GPC6: variants seen among roughly 807,000 people sequenced by gnomAD.
GPC6 encodes the protein glypican-6.
A neutral mutation model predicts 55.2 loss-of-function variants in GPC6; 14 were observed. The ratio of observed to expected loss-of-function variants is 0.25; its 90% CI spans 0.17 to 0.40. The LOEUF is 0.40. Among genes scored for constraint, GPC6 ranks in the 10% least tolerant of loss-of-function variants. GPC6 has a pLI of 1.00. For synonymous variants in GPC6, 278 were observed against 259.6 expected (o/e 1.07, Z -0.68); for missense variants, 641 against 708.5 (o/e 0.90, Z 1.08).
intron 3 of GPC6, among the ~76,000 whole-genome samples, chr13:93,880,933 A>G (rs1477902236): frequency 6.6e-6 from 1 of 151,928 alleles, no homozygotes; most frequent in Non-Finnish European, 1.5e-5. Flanking sequence ...CTTCAACCAT[A>G]AAAAGGAAAG....
intron 4 of GPC6, among the ~76,000 whole-genome samples, chr13:94,129,616 G>A: frequency 6.6e-6 from 1 of 152,132 alleles, no homozygotes; most frequent in Non-Finnish European, 1.5e-5. Context: ...ATAAGCCCTA[G>A]CAGAGCGAGT....
intron 1 of GPC6, among the ~76,000 whole-genome samples, chr13:93,448,385 A>G (rs1404139829): frequency 1.3e-5 from 2 of 152,214 alleles, no homozygotes; most frequent in African/African-American, 4.8e-5. Context: ...GGTTTATGTA[A>G]GTACACTCTA....
rs189646928 is a variant in GPC6, at chr13:93,604,511, A to G, written c.319+59090A>G. 4.9e-3 allele frequency among the ~76,000 whole-genome samples: 740 copies of G among 152,292 alleles called. 10 individuals are homozygous for G. Among genetic ancestry groups the G allele is most frequent in the African/African-American group, 0.017 (697 of 41,562 alleles). On this transcript the variant is annotated intron_variant, in intron 2 of 8. Coordinates refer to ENST00000377047, the MANE Select transcript of GPC6 (RefSeq NM_005708.5). ...ACACTTCTCCTTTATTGTCCAAATC[A>G]TAACATTTGGAGGTTGATGATCTTC...
At chr13:93,780,334 A>G (rs941924994) in intron 2 of GPC6, among the ~76,000 whole-genome samples, 3 of 152,106 alleles carry the variant, frequency 2.0e-5, no homozygotes, top group Non-Finnish European at 2.9e-5. Flanking sequence ...CATATAGTCA[A>G]TTATGTCCCA....
At chr13:94,219,338 G>A (rs935562417) in intron 4 of GPC6, among the ~76,000 whole-genome samples, 3 of 152,116 alleles carry the variant, frequency 2.0e-5, no homozygotes, top group African/African-American at 7.2e-5. Context: ...CACTTTTTAG[G>A]TACTCAGTGC....
intron 3 of GPC6, among the ~76,000 whole-genome samples, chr13:93,983,917 T>C (rs1338259510): frequency 6.6e-6 from 1 of 151,990 alleles, no homozygotes; most frequent in East Asian, 1.9e-4. Flanking sequence ...ACAAATAAAA[T>C]TTTTTCCTGA....
chr13:94,355,933 C>T (rs374305071), intron 6 of GPC6, among the ~76,000 whole-genome samples: 269 of 152,252 alleles, frequency 1.8e-3, no homozygotes, highest in African/African-American at 6.2e-3. Context: ...GCTCTCCCTC[C>T]CCCTGCCCCC....
chr13:94,137,728 C>T (rs1887235657), intron 4 of GPC6, among the ~76,000 whole-genome samples: 1 of 152,130 alleles, frequency 6.6e-6, no homozygotes, highest in South Asian at 2.1e-4. Flanking sequence ...ACTTCCTTAA[C>T]TTAGAAATGG....
At chr13:93,563,138 T>C (rs1426997805) in intron 2 of GPC6, among the ~76,000 whole-genome samples, 2 of 152,200 alleles carry the variant, frequency 1.3e-5, no homozygotes, top group African/African-American at 4.8e-5. Context: ...TGATAAATGT[T>C]ATTTTGTGAA....
At chr13:94,046,933 C>T (rs777988882) in intron 4 of GPC6, among the ~76,000 whole-genome samples, 3 of 152,078 alleles carry the variant, frequency 2.0e-5, no homozygotes, top group Non-Finnish European at 2.9e-5. Context: ...TAGTTCGCCA[C>T]TACTGCGAAG....
intron 1 of GPC6, among the ~76,000 whole-genome samples, chr13:93,541,944 T>A (rs1202908111): frequency 1.3e-5 from 2 of 152,162 alleles, no homozygotes; most frequent in South Asian, 2.1e-4. Flanking sequence ...GATGAGTAGG[T>A]TGCGAAAATT....
chr13:93,405,402 A>G (rs1249412660), intron 1 of GPC6, among the ~76,000 whole-genome samples: 2 of 152,214 alleles, frequency 1.3e-5, no homozygotes, highest in African/African-American at 4.8e-5. Context: ...ATTAATGTCT[A>G]GCTCACTGCA....
intron 2 of GPC6, among the ~76,000 whole-genome samples, chr13:93,622,148 T>C (rs910861714): frequency 3.3e-5 from 5 of 152,182 alleles, no homozygotes. Flanking sequence ...TATAAACCTC[T>C]TGCTGGTGTC....
At chr13:93,671,189 A>G (rs1175933418) in intron 2 of GPC6, among the ~76,000 whole-genome samples, 2 of 152,156 alleles carry the variant, frequency 1.3e-5, no homozygotes, top group African/African-American at 4.8e-5. Context: ...TACTGGGTTC[A>G]ACACAAATGG....
chr13:93,668,598 G>A (rs551445610), intron 2 of GPC6, among the ~76,000 whole-genome samples: 14 of 152,252 alleles, frequency 9.2e-5, no homozygotes, highest in African/African-American at 3.1e-4. Flanking sequence ...AAGAAGAGAA[G>A]CCATGCGAAA....
chr13:93,560,809 C>T (rs886398097), intron 2 of GPC6, among the ~76,000 whole-genome samples: 3 of 151,898 alleles, frequency 2.0e-5, no homozygotes, highest in Non-Finnish European at 2.9e-5. Flanking sequence ...CCAGCATAAC[C>T]CTGTTAATTT....
intron 1 of GPC6, among the ~76,000 whole-genome samples, chr13:93,526,895 T>C (rs925886086): frequency 9.9e-5 from 15 of 152,120 alleles, no homozygotes; most frequent in South Asian, 2.1e-4. Context: ...AGCAGTATCA[T>C]AGGATGTGTG....
At chr13:93,365,780 C>G (rs2139184475) in intron 1 of GPC6, among the ~76,000 whole-genome samples, 1 of 152,138 alleles carries the variant, frequency 6.6e-6, no homozygotes, top group East Asian at 1.9e-4. Context: ...ACATGGTAGA[C>G]TCCTACCAAA....
chr13:93,487,637 G>A (rs960189949), intron 1 of GPC6, among the ~76,000 whole-genome samples: 1 of 152,116 alleles, frequency 6.6e-6, no homozygotes, highest in Non-Finnish European at 1.5e-5. Context: ...CATACCCCTT[G>A]TTGCTTTTAC....
Sources: allele counts gnomAD v4.1 joint callset (sites outside exome capture counted in the v4.1 genomes callset), GRCh38; gene constraint gnomAD v4.1.1; transcripts MANE v1.5; gene names NCBI Gene and HGNC (gene_info 2026-07-23, HGNC 2026-07-21).